COL23A1: variants seen among roughly 807,000 people sequenced by gnomAD.
COL23A1 encodes the protein collagen alpha-1(XXIII) chain.
In COL23A1, 97 loss-of-function variants were observed where a neutral mutation model predicts 99.3. That is an observed-to-expected ratio of 0.98 (90% CI 0.83 to 1.16). The LOEUF (loss-of-function observed/expected upper bound fraction) is 1.16. Ranked by LOEUF, COL23A1 falls within the 50% of genes most tolerant of loss-of-function variation. COL23A1 has a pLI of 0.00. For missense variants in COL23A1, 762 were observed against 757.4 expected, an observed-to-expected ratio of 1.01 and a Z score of -0.07; for synonymous variants, 320 against 308.2, an observed-to-expected ratio of 1.04 and a Z score of -0.40.
chr5:178,545,591 G>A (rs6862403), intron 2 of COL23A1, among the ~76,000 whole-genome samples: 17,652 of 152,114 alleles, frequency 0.12, 1,191 homozygotes, highest in Middle Eastern at 0.16. Context: ...AAGGAACCTC[G>A]AGTTCAAGGG....
In COL23A1 at chr5:178,579,683, A is replaced by T. The variant is rs753866559; in HGVS notation, c.294+10221T>A. Among the ~76,000 whole-genome samples, 7 of 151,856 alleles carry T rather than the reference A, an allele frequency of 4.6e-5. 1 individual carries two copies. The highest frequency in any genetic ancestry group is 7.4e-5 in the Non-Finnish European group (5 of 67,970). On this transcript the variant is annotated intron_variant, in intron 1 of 28. Coordinates refer to ENST00000390654, the MANE Select transcript of COL23A1 (RefSeq NM_173465.4). ...TTGCCAGGCTGGTCTCGAACTCTTG[A>T]CCTTGTGATCCACCTGCCTCAGACT...
chr5:178,357,912 GTGTATGTGTA>G (rs1203069964), intron 2 of COL23A1, among the ~76,000 whole-genome samples: 14 of 64,114 alleles, frequency 2.2e-4, no homozygotes, highest in South Asian at 7.6e-4. Context: ...TCTAATGTGT[GTGTATGTGTA>G]TGTGTGTATG....
chr5:178,344,824 C>T (rs1443277374), intron 2 of COL23A1: 6 of 666,856 alleles, frequency 9.0e-6, no homozygotes, highest in Admixed American at 1.9e-5. Context: ...GTAGCTCAGG[C>T]CCATGGATCT....
chr5:178,587,588 C>T (rs1039925142), intron 1 of COL23A1, among the ~76,000 whole-genome samples: 5 of 152,152 alleles, frequency 3.3e-5, no homozygotes, highest in African/African-American at 1.2e-4. Flanking sequence ...CTCACATACA[C>T]GGAAAAGAGG....
At chr5:178,462,668 T>G (rs1308289985) in intron 2 of COL23A1, among the ~76,000 whole-genome samples, 1 of 152,240 alleles carries the variant, frequency 6.6e-6, no homozygotes, top group Non-Finnish European at 1.5e-5. Context: ...AACTTAATTT[T>G]GACTCTGCAT....
intron 2 of COL23A1, among the ~76,000 whole-genome samples, chr5:178,331,675 G>C (rs1055963753): frequency 6.6e-6 from 1 of 152,180 alleles, no homozygotes; most frequent in Non-Finnish European, 1.5e-5. Flanking sequence ...ACATGCGCCT[G>C]GCTTCTGGGT....
rs576241039 is a variant in COL23A1 at position 178,271,978 on chromosome 5, T to C, written c.442-1615A>G. Among the ~76,000 whole-genome samples, 11 of 152,312 alleles carry C rather than the reference T, an allele frequency of 7.2e-5. No individual in the cohort carries two copies. In the South Asian group the frequency reaches 2.3e-3, roughly 32 times the overall value. The stretch of plus-strand genomic sequence containing the variant: ...CCTTCGCTCAGGCTGTCCCTGCCTC[T>C]CTGGGCTTCCGCTGGCTGAGGACGG... On this transcript the variant is annotated intron_variant, in intron 5 of 28. Coordinates refer to ENST00000390654, the MANE Select transcript of COL23A1 (RefSeq NM_173465.4).
chr5:178,572,072 C>CAAAAAAAAAA lies in COL23A1; in HGVS notation c.295-11334_295-11325dup, dbSNP rs57863132. On this transcript the variant is annotated intron_variant, in intron 1 of 28. Coordinates refer to ENST00000390654, the MANE Select transcript of COL23A1 (RefSeq NM_173465.4). ...GACAGAGCGAGACTCTTTCTCAAAA[C>CAAAAAAAAAA]AAAAAAAAAAAAGACCTAAACTGAA... is the stretch of plus-strand genomic sequence containing the variant. Among the ~76,000 whole-genome samples the CAAAAAAAAAA allele has an allele frequency of 7.3e-5, 8 of 109,496 alleles. 1 individual carries two copies. The highest frequency in any genetic ancestry group is 5.1e-4 in the East Asian group (2 of 3,888). 71.8% of individuals were successfully genotyped at this position (109,496 alleles called of 152,430 possible). A position where few individuals can be genotyped will look rare whatever the true frequency, so the allele number is the denominator to read the frequency against.
intron 2 of COL23A1, among the ~76,000 whole-genome samples, chr5:178,486,903 G>T (rs1177003524): frequency 6.6e-6 from 1 of 152,164 alleles, no homozygotes; most frequent in Non-Finnish European, 1.5e-5. Flanking sequence ...AACTGACGGG[G>T]GTGCTGAAAT....
chr5:178,338,666 G>A (rs1296873593), intron 2 of COL23A1, among the ~76,000 whole-genome samples: 3 of 144,848 alleles, frequency 2.1e-5, no homozygotes, highest in African/African-American at 5.2e-5. Flanking sequence ...GGCCAGCATC[G>A]GGTAGAGAAG....
At chr5:178,494,395 C>T (rs1758089943) in intron 2 of COL23A1, among the ~76,000 whole-genome samples, 1 of 152,130 alleles carries the variant, frequency 6.6e-6, no homozygotes, top group South Asian at 2.1e-4. Context: ...GGGGTTGCTC[C>T]CCACAGGGAC....
Position 178,544,304 on chromosome 5 carries a change from A to G in COL23A1, c.361+16378T>C, listed in dbSNP as rs1036976357. Among the ~76,000 whole-genome samples, 16 of 152,130 alleles carry G rather than the reference A, an allele frequency of 1.1e-4. No homozygotes were observed. The highest frequency in any genetic ancestry group is 9.8e-4 in the Admixed American group (15 of 15,274). On this transcript the variant is annotated intron_variant, in intron 2 of 28. Transcript: ENST00000390654. The surrounding 1 kb of genome is among the most constrained non-coding windows in gnomAD (Gnocchi z 4.4). Reference sequence around the variant, plus strand: ...TCGCCGCTTACAGAGCCCCCAGCCCAGCCCCTGCTGGAGCTCCTGGATCCC... The same window carrying G: ...TCGCCGCTTACAGAGCCCCCAGCCCGGCCCCTGCTGGAGCTCCTGGATCCC...
rs1260092564 is a variant in COL23A1 at position 178,257,048 on chromosome 5, A to G, written c.775-120T>C. ...CGATTAGGCCTCCTGGCAAATTGTTACTGAGTCCATGGGGGGTGTGGGCGG... is the reference window on the plus strand; with the variant it reads ...CGATTAGGCCTCCTGGCAAATTGTTGCTGAGTCCATGGGGGGTGTGGGCGG... On this transcript the variant is annotated intron_variant, in intron 13 of 28. Coordinates refer to ENST00000390654, the MANE Select transcript of COL23A1 (RefSeq NM_173465.4). The G allele has an allele frequency of 1.0e-5, 9 of 864,394 alleles. No homozygotes were observed. In the East Asian group the frequency reaches 1.9e-4, roughly 18 times the overall value. 53.5% of individuals were successfully genotyped at this position (864,394 alleles called of 1,614,324 possible).
Position 178,326,909 on chromosome 5 carries a change from G to A in COL23A1, c.362-19990C>T, listed in dbSNP as rs531049991. 1.3e-4 allele frequency among the ~76,000 whole-genome samples: 20 copies of A among 152,224 alleles called. 1 individual carries two copies. Among genetic ancestry groups the A allele is most frequent in the South Asian group, 1.0e-3 (5 of 4,804 alleles). On this transcript the variant is annotated intron_variant, in intron 2 of 28. Coordinates refer to ENST00000390654, the MANE Select transcript of COL23A1 (RefSeq NM_173465.4). ...TAATTTTCGTATTTTTAGTAGAGACGGGGTTTCACCATGCTGGTCAGGCTG... is the reference window on the plus strand; with the variant it reads ...TAATTTTCGTATTTTTAGTAGAGACAGGGTTTCACCATGCTGGTCAGGCTG...
chr5:178,385,358 C>A (rs556736686), intron 2 of COL23A1, among the ~76,000 whole-genome samples: 1 of 152,342 alleles, frequency 6.6e-6, no homozygotes, highest in East Asian at 1.9e-4. Context: ...TCAAACACCA[C>A]CCCCACAGGC....
At chr5:178,586,481 A>G (rs894514490) in intron 1 of COL23A1, among the ~76,000 whole-genome samples, 1 of 152,174 alleles carries the variant, frequency 6.6e-6, no homozygotes, top group East Asian at 1.9e-4. Context: ...CCATGCCTCA[A>G]ATTTTCAAAG....
chr5:178,550,369 G>C (rs554530711), intron 2 of COL23A1, among the ~76,000 whole-genome samples: 1 of 152,208 alleles, frequency 6.6e-6, no homozygotes, highest in Admixed American at 6.5e-5. Flanking sequence ...GGGCTTTGTA[G>C]GACACTCAAC....
At chr5:178,429,374 G>C (rs1766129603) in intron 2 of COL23A1, among the ~76,000 whole-genome samples, 1 of 152,184 alleles carries the variant, frequency 6.6e-6, no homozygotes, top group African/African-American at 2.4e-5. Context: ...TCCCCGGCCT[G>C]AGCCTCACGG....
rs561569021 is a variant in COL23A1 at position 178,307,179 on chromosome 5, A to G, written c.362-260T>C. On this transcript the variant is annotated intron_variant, in intron 2 of 28. Coordinates refer to ENST00000390654, the MANE Select transcript of COL23A1 (RefSeq NM_173465.4). The surrounding 1 kb of genome is among the most constrained non-coding windows in gnomAD (Gnocchi z 4.2). ...CACGCACCCATTCTGTCATTCAATC[A>G]TCGGCTCACTCAGTCATTCCTAAGC... 2.6e-5 allele frequency among the ~76,000 whole-genome samples: 4 copies of G among 152,236 alleles called. No individual in the cohort carries two copies. The East Asian group carries it at 7.7e-4, about 29-fold the overall frequency.
Sources: allele counts gnomAD v4.1 joint callset (sites outside exome capture counted in the v4.1 genomes callset), GRCh38; gene constraint gnomAD v4.1.1; non-coding constraint Gnocchi (gnomAD v3.1); transcripts MANE v1.5; gene names NCBI Gene and HGNC (gene_info 2026-07-23, HGNC 2026-07-21).